Variants in IFI44L observed in about 807,000 individuals in gnomAD.
The protein encoded by IFI44L is interferon induced protein 44 like.
Under a neutral mutation model 39.3 loss-of-function variants are expected in IFI44L, and 40 were observed. The observed-to-expected ratio is 1.02, with a 90% CI of 0.79 to 1.33. IFI44L has a LOEUF of 1.33. Among genes scored for constraint, IFI44L ranks in the 40% most tolerant of loss-of-function variants. The pLI, the probability that IFI44L is intolerant of heterozygous loss-of-function variation, is 0.00. For missense variants in IFI44L, 623 were observed against 549.0 expected (o/e 1.13, Z -1.35); for synonymous variants, 198 against 182.3 (o/e 1.09, Z -0.69).
Position 78,641,588 on chromosome 1 carries a change from G to A in IFI44L, c.1303G>A (p.Asp435Asn). The change falls in exon 8 of 9, where the codon GAT (aspartate) becomes AAT (asparagine). Residue 435 changes from aspartate to asparagine, a missense_variant. Coordinates refer to ENST00000370751, the MANE Select transcript of IFI44L (RefSeq NM_006820.4). ...MLRAADDFLE[D>N]LPLEETGAIE... The stretch of plus-strand genomic sequence containing the variant: ...GCGGGCTGCAGATGATTTTTTAGAA[G>A]ATTTGCCTCTTGAGGAAACTGGTAA... 1 of 1,613,502 alleles carries A rather than the reference G, an allele frequency of 6.2e-7. No individual in the cohort carries two copies. Among genetic ancestry groups the A allele is most frequent in the Non-Finnish European group, 8.5e-7 (1 of 1,179,582 alleles).
At chr1:78,641,713 T>C (rs1053270650) in intron 8 of IFI44L, 62 bp from the exon 9 acceptor site, 1 of 1,605,498 alleles carries the variant, frequency 6.2e-7, no homozygotes. Flanking sequence ...CTGCATGCCC[T>C]AGTCCTGAAA....
intron 3 of IFI44L, among the ~76,000 whole-genome samples, chr1:78,629,267 G>A (rs1652623445): frequency 6.6e-6 from 1 of 152,086 alleles, no homozygotes; most frequent in Admixed American, 6.6e-5. Context: ...TAATTTCTCT[G>A]AATCCTTTCC....
At chr1:78,626,638 G>T (rs942129363) in intron 1 of IFI44L, 1 of 151,860 alleles carries the variant, frequency 6.6e-6, no homozygotes, top group Non-Finnish European at 1.5e-5. Flanking sequence ...AACTCTGTCT[G>T]CTTCCAGTTC....
rs763530639 is a variant in IFI44L, at chr1:78,641,435, G to A, written c.1150G>A (p.Val384Ile). The A allele has an allele frequency of 1.9e-6, 3 of 1,612,376 alleles. No homozygotes were observed. The East Asian group carries it at 6.7e-5, about 36-fold the overall frequency. The change falls in exon 8 of 9, where the codon GTC becomes ATC. Residue 384 changes from valine (V) to isoleucine (I), a missense_variant and splice_region_variant. Val to Ile is a conservative substitution (Grantham distance 29, BLOSUM62 3). Coordinates refer to ENST00000370751, the MANE Select transcript of IFI44L (RefSeq NM_006820.4). ...MSRSMTSQSR[V>I]MNVHKMLGIP... ...CACTTTTTAAATATACTTTCCACAG[G>A]TCATGAATGTCCATAAAATGCTAGG...
intron 6 of IFI44L, among the ~76,000 whole-genome samples, 163 bp downstream of exon 6, chr1:78,637,366 A>G (rs189657801): frequency 1.3e-4 from 20 of 152,016 alleles, no homozygotes; most frequent in African/African-American, 4.8e-4. Context: ...CTGAAGAAAG[A>G]CCCCAAATCC....
chr1:78,627,705 CT>C (rs890603224), intron 1 of IFI44L, 200 bp from the exon 2 acceptor site: 1 of 344,668 alleles, frequency 2.9e-6, no homozygotes, highest in African/African-American at 2.1e-5. Flanking sequence ...ATTTTAATGA[CT>C]TTTCCTTTCT....
At chr1:78,633,088 A>C (rs1430190109) in intron 4 of IFI44L, among the ~76,000 whole-genome samples, 3 of 152,214 alleles carry the variant, frequency 2.0e-5, no homozygotes, top group Admixed American at 2.0e-4. Context: ...ACCTAGTTCT[A>C]GCACAATAAT....
chr1:78,637,068 A>G lies in IFI44L; in HGVS notation c.913A>G (p.Thr305Ala). Residue 305 changes from threonine to alanine, a missense_variant, in exon 6 of 9, where the codon ACT becomes GCT. Thr to Ala is a moderately conservative substitution (Grantham distance 58). Transcript: ENST00000370751. ...TAAACCAATTACACCTGAGCATTCT[A>G]CTTTTATCACCTCTCCATCTCTGAA... ...SRKPITPEHS[T>A]FITSPSLKDR... 4 of 1,612,128 alleles carry G rather than the reference A, an allele frequency of 2.5e-6. No individual in the cohort carries two copies. The highest frequency in any genetic ancestry group is 1.7e-5 in the Admixed American group (1 of 59,968).
chr1:78,624,019 T>G (rs1652389448), intron 1 of IFI44L, among the ~76,000 whole-genome samples: 1 of 152,150 alleles, frequency 6.6e-6, no homozygotes, highest in Non-Finnish European at 1.5e-5. Context: ...CTTTCTTTTC[T>G]TTTTTTGAGA....
rs1646999016 is a variant in IFI44L, at chr1:78,642,464, C to G, written c.*655C>G. On this transcript the variant is annotated 3_prime_UTR_variant, in exon 9 of 9. Coordinates refer to ENST00000370751, the MANE Select transcript of IFI44L (RefSeq NM_006820.4). ...GGGTATGATGGCACGTGCCTGTAGT[C>G]CCAGTTACTCAGGATGATTGATTGA... is the stretch of plus-strand genomic sequence containing the variant. 6.6e-6 allele frequency: 1 copy of G among 150,790 alleles called. No homozygotes were observed. Among genetic ancestry groups the G allele is most frequent in the Admixed American group, 6.6e-5 (1 of 15,114 alleles). The allele number at this position is 150,790 out of a possible 1,614,324, so 9.3% of individuals were successfully genotyped here.
In IFI44L at chr1:78,643,266, AG is replaced by A. The variant is rs1326594889; in HGVS notation, c.*1458del. On this transcript the variant is annotated 3_prime_UTR_variant, in exon 9 of 9. Coordinates refer to ENST00000370751, the MANE Select transcript of IFI44L (RefSeq NM_006820.4). ...GTGGAAGAAATTAAGTCTTTAAAAA[AG>A]ACCTAGGAATAGGAGAACCATGGAA... 1 of 152,104 alleles carries A rather than the reference AG, an allele frequency of 6.6e-6. No individual in the cohort carries two copies. The highest frequency in any genetic ancestry group is 1.5e-5 in the Non-Finnish European group (1 of 68,010). The allele number at this position is 152,104 out of a possible 1,614,324, so 9.4% of individuals were successfully genotyped here.
intron 1 of IFI44L, chr1:78,627,636 C>A (rs1329023441): frequency 9.1e-6 from 2 of 220,492 alleles, no homozygotes; most frequent in African/African-American, 2.3e-5. Context: ...TTTGCTGACT[C>A]TTATTGAGAT....
chr1:78,636,814 C>T, intron 5 of IFI44L: 1 of 437,494 alleles, frequency 2.3e-6, no homozygotes, highest in South Asian at 4.6e-5. Flanking sequence ...ATCATTTTTA[C>T]CAAAGCAATA....
chr1:78,641,565 G>A lies in IFI44L; in HGVS notation c.1280G>A (p.Arg427Gln), dbSNP rs373251848. The A allele has an allele frequency of 1.4e-5, 23 of 1,613,478 alleles. No homozygotes were observed. Among genetic ancestry groups the A allele is most frequent in the Admixed American group, 3.3e-5 (2 of 59,968 alleles). The change falls in exon 8 of 9, where the codon CGG becomes CAG. Residue 427 changes from arginine to glutamine, a missense_variant. Transcript: ENST00000370751. ...CTCTCTGCACTGAGGCAGATGCTGC[G>A]GGCTGCAGATGATTTTTTAGAAGAT... is the stretch of plus-strand genomic sequence containing the variant. ...LILSALRQML[R>Q]AADDFLEDLP...
intron 4 of IFI44L, among the ~76,000 whole-genome samples, chr1:78,630,428 T>A (rs915192982): frequency 2.6e-5 from 4 of 152,138 alleles, no homozygotes; most frequent in African/African-American, 9.6e-5. Flanking sequence ...CAAAAAGATA[T>A]ACATAAGGAA....
At chr1:78,629,550 T>TTG (rs1652660203) in intron 3 of IFI44L, 170 bp from the exon 4 acceptor site, 3 of 482,390 alleles carry the variant, frequency 6.2e-6, no homozygotes, top group Non-Finnish European at 1.1e-5. Context: ...TGTATAACTT[T>TTG]AGATATTTCA....
rs41292968 is a variant in IFI44L at position 78,637,024 on chromosome 1, T to C, written c.877-8T>C. On this transcript the variant is annotated splice_region_variant and splice_polypyrimidine_tract_variant and intron_variant, in intron 5 of 8. Coordinates refer to ENST00000370751, the MANE Select transcript of IFI44L (RefSeq NM_006820.4). ...ATTTCTGAATGTTACCTTATGTTTTTATAACAGTTTAATTCCCGTAAACCA... is the reference window on the plus strand; with the variant it reads ...ATTTCTGAATGTTACCTTATGTTTTCATAACAGTTTAATTCCCGTAAACCA... 6.8e-3 allele frequency: 10,818 copies of C among 1,600,372 alleles called. 52 individuals are homozygous for C. The highest frequency in any genetic ancestry group is 7.8e-3 in the Non-Finnish European group (9,113 of 1,169,388).
chr1:78,631,128 A>G (rs1250574580), intron 4 of IFI44L, among the ~76,000 whole-genome samples: 4 of 152,166 alleles, frequency 2.6e-5, no homozygotes, highest in South Asian at 2.1e-4. Flanking sequence ...CTGAACTCCA[A>G]TGAAATGCAA....
chr1:78,643,160 T>TTTTTTTTTTTTTTTTTTTTG lies in IFI44L; in HGVS notation c.*1351_*1352insTTTTTTTTTTTTTTTTTTTG, dbSNP rs1367397714. 2 of 151,870 alleles carry TTTTTTTTTTTTTTTTTTTTG rather than the reference T, an allele frequency of 1.3e-5. No homozygotes were observed. Among genetic ancestry groups the TTTTTTTTTTTTTTTTTTTTG allele is most frequent in the East Asian group, 1.9e-4 (1 of 5,162 alleles). The allele number at this position is 151,870 out of a possible 1,614,324, so 9.4% of individuals were successfully genotyped here. On this transcript the variant is annotated 3_prime_UTR_variant, in exon 9 of 9. Coordinates refer to ENST00000370751, the MANE Select transcript of IFI44L (RefSeq NM_006820.4). ...AGATATTAAGAAAGCAAGAGTTTCT[T>TTTTTTTTTTTTTTTTTTTTG]ATGTCCAGTTATGGAATATTTCCTA...
Sources: gnomAD v4.1 joint callset for allele counts (sites outside exome capture counted in the v4.1 genomes callset) on GRCh38, gnomAD v4.1.1 for gene constraint, MANE v1.5 for transcripts, NCBI Gene and HGNC (gene_info 2026-07-23, HGNC 2026-07-21) for gene names.